FAM47E: variants seen among roughly 807,000 people sequenced by gnomAD.
The protein encoded by FAM47E is family with sequence similarity 47 member E, also known as protein FAM47E.
In FAM47E, 32 loss-of-function variants were observed where a neutral mutation model predicts 41.6. That is an observed-to-expected ratio of 0.77 (90% CI 0.58 to 1.03). FAM47E has a LOEUF of 1.03. Among genes scored for constraint, FAM47E ranks in the 50% least tolerant of loss-of-function variants. The pLI is 0.00. For missense variants in FAM47E, 424 were observed against 485.4 expected (o/e 0.87, Z 1.19); for synonymous variants, 184 against 188.7 (o/e 0.98, Z 0.20).
intron 2 of FAM47E, among the ~76,000 whole-genome samples, chr4:76,232,843 G>A (rs1461072817): frequency 2.6e-5 from 4 of 152,110 alleles, no homozygotes; most frequent in Non-Finnish European, 5.9e-5. Flanking sequence ...TTATGAAATA[G>A]TGTTCCAGAT....
chr4:76,217,552 A>G (rs1287027537), intron 1 of FAM47E: 3 of 478,304 alleles, frequency 6.3e-6, no homozygotes, highest in East Asian at 6.4e-5. Flanking sequence ...TGCCTCACAC[A>G]GGTGTGCTCC....
At chr4:76,241,529 C>T (rs1733711274) in intron 2 of FAM47E, among the ~76,000 whole-genome samples, 1 of 152,134 alleles carries the variant, frequency 6.6e-6, no homozygotes, top group South Asian at 2.1e-4. Flanking sequence ...ACACAGCTGC[C>T]TGACACAGGG....
chr4:76,265,723 A>C (rs1734602837), intron 3 of FAM47E, among the ~76,000 whole-genome samples: 1 of 152,142 alleles, frequency 6.6e-6, no homozygotes, highest in Admixed American at 6.5e-5. Context: ...CCAAGTGATT[A>C]GAGGGTTAGA....
intron 3 of FAM47E, among the ~76,000 whole-genome samples, chr4:76,266,362 T>C (rs922202550): frequency 5.3e-5 from 8 of 152,196 alleles, no homozygotes; most frequent in Non-Finnish European, 1.2e-4. Context: ...ACTCTTGTTT[T>C]CTCCCCCGAA....
chr4:76,282,970 G>A (rs1735420546), intron 7 of FAM47E: 1 of 157,322 alleles, frequency 6.4e-6, no homozygotes, highest in African/African-American at 2.4e-5. Flanking sequence ...TTAACCTCCT[G>A]TGTACATTCA....
chr4:76,228,298 G>A (rs1733434179), intron 2 of FAM47E, among the ~76,000 whole-genome samples: 1 of 151,944 alleles, frequency 6.6e-6, no homozygotes, highest in African/African-American at 2.4e-5. Flanking sequence ...TGGCCAACAT[G>A]GTGAAACCCC....
intron 5 of FAM47E, among the ~76,000 whole-genome samples, chr4:76,277,543 T>G (rs1440994265): frequency 7.6e-6 from 1 of 130,864 alleles, no homozygotes; most frequent in African/African-American, 2.9e-5. Flanking sequence ...TGTTAGCAGT[T>G]TGATAAAAAA....
At chr4:76,241,985 G>A (rs149620668) in intron 2 of FAM47E, among the ~76,000 whole-genome samples, 1 of 152,166 alleles carries the variant, frequency 6.6e-6, no homozygotes, top group African/African-American at 2.4e-5. Context: ...GAGAAAGGGG[G>A]AACATCTTAT....
intron 1 of FAM47E, among the ~76,000 whole-genome samples, chr4:76,254,813 G>A (rs713097): frequency 0.4 from 60,714 of 152,076 alleles, 13,581 homozygotes; most frequent in Non-Finnish European, 0.52. Flanking sequence ...CAGATTCCAA[G>A]TCGTGGCTTT....
chr4:76,259,980 A>G lies in FAM47E; in HGVS notation c.420+3457A>G, dbSNP rs376635846. Reference sequence around the variant, plus strand: ...TCATTTACAATTGCCACAAAAAACTAAAATACCTAGGAATGCATTTAATGA... The same window carrying G: ...TCATTTACAATTGCCACAAAAAACTGAAATACCTAGGAATGCATTTAATGA... On this transcript the variant is annotated intron_variant, in intron 2 of 7. Coordinates refer to ENST00000424749, the MANE Select transcript of FAM47E (RefSeq NM_001136570.3). Among the ~76,000 whole-genome samples, 193 of 152,334 alleles carry G rather than the reference A, an allele frequency of 1.3e-3. 3 individuals are homozygous for G. The South Asian group carries it at 0.039, about 31-fold the overall frequency.
At chr4:76,222,400 T>C (rs1733325262) in intron 2 of FAM47E, among the ~76,000 whole-genome samples, 1 of 152,180 alleles carries the variant, frequency 6.6e-6, no homozygotes, top group African/African-American at 2.4e-5. Context: ...CTAATTTTTG[T>C]ATTTTTTAGT....
chr4:76,234,981 A>G (rs891210437), intron 2 of FAM47E, among the ~76,000 whole-genome samples: 2 of 152,158 alleles, frequency 1.3e-5, no homozygotes, highest in African/African-American at 4.8e-5. Context: ...TAGTAGGGAC[A>G]GGGTGGGGAC....
intron 6 of FAM47E, chr4:76,278,459 C>T: frequency 2.3e-6 from 1 of 429,046 alleles, no homozygotes. Context: ...GATTGGACAG[C>T]TACTCATGCT....
intron 1 of FAM47E, among the ~76,000 whole-genome samples, chr4:76,252,683 C>A (rs1459421312): frequency 6.6e-6 from 1 of 152,150 alleles, no homozygotes; most frequent in Non-Finnish European, 1.5e-5. Flanking sequence ...TTGTTTCTAG[C>A]AGTTATTCAT....
intron 2 of FAM47E, among the ~76,000 whole-genome samples, chr4:76,230,785 T>C (rs6846983): frequency 0.21 from 31,713 of 152,064 alleles, 3,516 homozygotes; most frequent in East Asian, 0.36. Flanking sequence ...AAATCTGCCA[T>C]TCTTACCCAC....
At chr4:76,276,070 C>CACACACACACACA (rs1452874811) in intron 5 of FAM47E, among the ~76,000 whole-genome samples, 79 of 143,202 alleles carry the variant, frequency 5.5e-4, no homozygotes, top group East Asian at 3.7e-3. Flanking sequence ...ACACACACAC[C>CACACACACACACA]CCTCCCCTAC....
intron 2 of FAM47E, among the ~76,000 whole-genome samples, chr4:76,242,914 A>G (rs116364431): frequency 0.014 from 2,162 of 152,306 alleles, 32 homozygotes; most frequent in African/African-American, 0.04. Flanking sequence ...TTATACTTCT[A>G]TTAGAGAGTG....
At chr4:76,252,692 A>G (rs1734022151) in intron 1 of FAM47E, among the ~76,000 whole-genome samples, 1 of 152,192 alleles carries the variant, frequency 6.6e-6, no homozygotes, top group African/African-American at 2.4e-5. Context: ...GCAGTTATTC[A>G]TAAGAGCTTC....
At chr4:76,223,722 T>G (rs754389202) in intron 2 of FAM47E, among the ~76,000 whole-genome samples, 4 of 152,144 alleles carry the variant, frequency 2.6e-5, no homozygotes, top group Non-Finnish European at 5.9e-5. Flanking sequence ...TAGTCCATAG[T>G]CCCTCAAGGC....
Sources: gnomAD v4.1 joint callset for allele counts (sites outside exome capture counted in the v4.1 genomes callset) on GRCh38, gnomAD v4.1.1 for gene constraint, MANE v1.5 for transcripts, NCBI Gene and HGNC (gene_info 2026-07-23, HGNC 2026-07-21) for gene names.